Variants in GALNT11 observed in about 807,000 individuals in gnomAD.
GALNT11 encodes the protein polypeptide N-acetylgalactosaminyltransferase 11, also known as UDP-GalNAc:polypeptide N-acetylgalactosaminyltransferase 11.
In GALNT11, 47 loss-of-function variants were observed where a neutral mutation model predicts 72.7. The observed-to-expected ratio is 0.65, with a 90% CI of 0.51 to 0.82. The LOEUF (loss-of-function observed/expected upper bound fraction) is 0.82, where lower values mean the gene tolerates loss of function less well. GALNT11 is among the 40% of genes least tolerant of loss of function. The pLI is 0.00. For synonymous variants in GALNT11, 270 were observed against 286.6 expected (o/e 0.94, Z 0.58); for missense variants, 677 against 778.4 (o/e 0.87, Z 1.55).
In GALNT11 at chr7:152,064,067, T is replaced by C. The variant is rs532969926; in HGVS notation, c.-38-30123T>C. Among the ~76,000 whole-genome samples, 13 of 152,326 alleles carry C rather than the reference T, an allele frequency of 8.5e-5. No homozygotes were observed. In the East Asian group the frequency reaches 2.3e-3, roughly 27 times the overall value. On this transcript the variant is annotated intron_variant, in intron 1 of 11. Transcript: ENST00000430044. ...TAATGTTGACAGTGGGGTGTTAAAGTCTGCCATTATTATTGTGTGGGAGTC... is the reference window on the plus strand; with the variant it reads ...TAATGTTGACAGTGGGGTGTTAAAGCCTGCCATTATTATTGTGTGGGAGTC...
intron 1 of GALNT11, among the ~76,000 whole-genome samples, chr7:152,085,254 A>G (rs577992365): frequency 1.3e-5 from 2 of 152,348 alleles, no homozygotes; most frequent in East Asian, 1.9e-4. Context: ...CTACCAGACC[A>G]TGACTGAAGA....
intron 1 of GALNT11, among the ~76,000 whole-genome samples, chr7:152,039,572 T>C (rs2082750961): frequency 6.6e-6 from 1 of 152,108 alleles, no homozygotes; most frequent in Non-Finnish European, 1.5e-5. Context: ...CTTCTTGATC[T>C]GTCCCCAGGT....
chr7:152,083,224 C>T (rs2085422369), intron 1 of GALNT11, among the ~76,000 whole-genome samples: 1 of 151,710 alleles, frequency 6.6e-6, no homozygotes, highest in South Asian at 2.1e-4. Flanking sequence ...TTTTTTAGTC[C>T]TAGCTAGAAA....
chr7:152,066,065 T>C (rs368073654), intron 1 of GALNT11, among the ~76,000 whole-genome samples: 1 of 152,248 alleles, frequency 6.6e-6, no homozygotes, highest in East Asian at 1.9e-4. Context: ...CAGGCAGGCC[T>C]TGAGCTGCGG....
In GALNT11 at chr7:152,108,035, CAGG is replaced by C. The variant is rs868851501; in HGVS notation, c.713_715del (p.Gly238del). On this transcript the variant is annotated splice_acceptor_variant and coding_sequence_variant, in exon 6 of 12. Coordinates refer to ENST00000430044, the MANE Select transcript of GALNT11 (RefSeq NM_022087.4). LOFTEE classifies it high-confidence loss of function. ...TCCTGAGCCTCTGTTGTTTCCTCCCCAGGAGAAGTCCTTGTGTTCCTGGACAGC... is the reference window on the plus strand; with the variant it reads ...TCCTGAGCCTCTGTTGTTTCCTCCCCAGAAGTCCTTGTGTTCCTGGACAGC... 6.2e-7 allele frequency: 1 copy of C among 1,604,900 alleles called. No individual in the cohort carries two copies. Among genetic ancestry groups the C allele is most frequent in the Non-Finnish European group, 8.5e-7 (1 of 1,172,746 alleles).
chr7:152,092,294 A>AT lies in GALNT11; in HGVS notation c.-38-1887dup, dbSNP rs369529550. On this transcript the variant is annotated intron_variant, in intron 1 of 11. Transcript: ENST00000430044. The stretch of plus-strand genomic sequence containing the variant: ...TTTTGTTACAAAGTTGCACATTGCA[A>AT]TTTTTTTTTGTCTTTTCATTTGCTC... 7.5e-4 allele frequency among the ~76,000 whole-genome samples: 114 copies of AT among 151,640 alleles called. 1 individual carries two copies. The highest frequency in any genetic ancestry group is 2.0e-3 in the African/African-American group (83 of 41,380).
chr7:152,112,694 C>A (rs116603045), intron 7 of GALNT11, among the ~76,000 whole-genome samples: 1 of 151,958 alleles, frequency 6.6e-6, no homozygotes, highest in Non-Finnish European at 1.5e-5. Flanking sequence ...CCCACAAAAA[C>A]GAACTTAACT....
chr7:152,060,892 G>A (rs1587079499), intron 1 of GALNT11, among the ~76,000 whole-genome samples: 2 of 152,272 alleles, frequency 1.3e-5, no homozygotes, highest in East Asian at 3.9e-4. Flanking sequence ...ATTTGGGTTG[G>A]TTCCAAGTCT....
At chr7:152,087,662 C>G (rs1252247308) in intron 1 of GALNT11, among the ~76,000 whole-genome samples, 2 of 152,160 alleles carry the variant, frequency 1.3e-5, no homozygotes, top group Non-Finnish European at 2.9e-5. Flanking sequence ...TTTCTGTGGG[C>G]TATTCATTGT....
In GALNT11 at chr7:152,033,515, C is replaced by T. The variant is rs148766100; in HGVS notation, c.-39+7631C>T. Among the ~76,000 whole-genome samples, 64 of 152,284 alleles carry T rather than the reference C, an allele frequency of 4.2e-4. 1 individual carries two copies. The East Asian group carries it at 0.011, about 25-fold the overall frequency. On this transcript the variant is annotated intron_variant, in intron 1 of 11. Coordinates refer to ENST00000430044, the MANE Select transcript of GALNT11 (RefSeq NM_022087.4). ...TTTTGGAGCTTTCTCCTGATATCCA[C>T]GGCTGATTGGGTAACAAACTTATAT...
chr7:152,049,811 G>A lies in GALNT11; in HGVS notation c.-39+23927G>A, dbSNP rs142779707. 6.2e-3 allele frequency among the ~76,000 whole-genome samples: 950 copies of A among 152,244 alleles called. 7 individuals carry two copies. Among genetic ancestry groups the A allele is most frequent in the Middle Eastern group, 0.02 (6 of 294 alleles). ...AATCTACCTGGTGCTCTATTCTACT[G>A]CGGCTGAGCTGGCACCCAAGCCTTC... is the stretch of plus-strand genomic sequence containing the variant. On this transcript the variant is annotated intron_variant, in intron 1 of 11. Coordinates refer to ENST00000430044, the MANE Select transcript of GALNT11 (RefSeq NM_022087.4).
At chr7:152,102,649 A>G (rs1167184741) in intron 3 of GALNT11, among the ~76,000 whole-genome samples, 2 of 152,086 alleles carry the variant, frequency 1.3e-5, no homozygotes, top group South Asian at 2.1e-4. Context: ...GTTTTTGTAA[A>G]TGCTTTTAAA....
chr7:152,104,263 T>C (rs2087284075), intron 4 of GALNT11: 1 of 152,236 alleles, frequency 6.6e-6, no homozygotes, highest in Non-Finnish European at 1.5e-5. Context: ...GCTCCAAGCC[T>C]TCTGCTCTTT....
intron 1 of GALNT11, among the ~76,000 whole-genome samples, chr7:152,039,957 A>G (rs992090239): frequency 2.0e-5 from 3 of 152,082 alleles, no homozygotes; most frequent in Non-Finnish European, 4.4e-5. Context: ...GCTAGATTCA[A>G]TTGTATGCGG....
chr7:152,090,792 C>T (rs10227227), intron 1 of GALNT11, among the ~76,000 whole-genome samples: 1,967 of 152,234 alleles, frequency 0.013, 41 homozygotes, highest in African/African-American at 0.045. Context: ...TTCTTCTCCT[C>T]GTTGCTCTTC....
intron 1 of GALNT11, among the ~76,000 whole-genome samples, chr7:152,057,345 T>G (rs1587053940): frequency 6.6e-6 from 1 of 151,586 alleles, no homozygotes; most frequent in South Asian, 2.1e-4. Context: ...TTCACTCTGT[T>G]GCCCAGGCTG....
intron 1 of GALNT11, among the ~76,000 whole-genome samples, chr7:152,080,716 C>T (rs2129019634): frequency 6.6e-6 from 1 of 152,170 alleles, no homozygotes; most frequent in East Asian, 1.9e-4. Flanking sequence ...AATCCCAGCA[C>T]TTTGGGAGGC....
At chr7:152,071,133 A>T (rs960266330) in intron 1 of GALNT11, among the ~76,000 whole-genome samples, 8 of 152,260 alleles carry the variant, frequency 5.3e-5, no homozygotes, top group Non-Finnish European at 1.2e-4. Context: ...TGTCATTGAT[A>T]ACATCTTACC....
At chr7:152,047,855 G>A (rs1432595453) in intron 1 of GALNT11, among the ~76,000 whole-genome samples, 1 of 150,826 alleles carries the variant, frequency 6.6e-6, no homozygotes, top group African/African-American at 2.5e-5. Flanking sequence ...TTATTGTATT[G>A]TCTATGACCT....
Sources: allele counts gnomAD v4.1 joint callset (sites outside exome capture counted in the v4.1 genomes callset), GRCh38; gene constraint gnomAD v4.1.1; transcripts MANE v1.5; gene names NCBI Gene and HGNC (gene_info 2026-07-23, HGNC 2026-07-21).